The following CEP83 variants were observed in gnomAD, a reference collection of about 807,000 sequenced individuals.
CEP83 encodes centrosomal protein of 83 kDa.
Under a neutral mutation model 101.9 loss-of-function variants are expected in CEP83, and 70 were observed. The observed-to-expected ratio is 0.69, with a 90% confidence interval of 0.57 to 0.84. CEP83 has a LOEUF of 0.84. Ranked by LOEUF, CEP83 falls within the 40% of genes least tolerant of loss-of-function variation. CEP83 has a pLI of 0.00. For missense variants in CEP83, 715 were observed against 787.2 expected, an observed-to-expected ratio of 0.91 and a Z score of 1.10; for synonymous variants, 264 against 267.9, an observed-to-expected ratio of 0.99 and a Z score of 0.14.
At position 94,389,357 on chromosome 12, in the gene CEP83, T is replaced by C. The variant is rs1336847197; in HGVS notation, c.550-10315A>G. On this transcript the variant is annotated intron_variant, in intron 6 of 16. Coordinates refer to ENST00000397809, the MANE Select transcript of CEP83 (RefSeq NM_016122.3). ...GATAATAACTGTGAGGTATGAATGA[T>C]ACTAATACCATTAATTAAGTATCTA... 2.6e-5 allele frequency among the ~76,000 whole-genome samples: 4 copies of C among 152,330 alleles called. No homozygotes were observed. The East Asian group carries it at 7.7e-4, about 29-fold the overall frequency.
At chr12:94,442,377 G>C (rs561896922) in intron 1 of CEP83, among the ~76,000 whole-genome samples, 2 of 151,916 alleles carry the variant, frequency 1.3e-5, no homozygotes, top group Admixed American at 1.3e-4. Context: ...GAAGGAGGGA[G>C]GGGGGTGAGG....
intron 11 of CEP83, chr12:94,361,491 A>G (rs904738297): frequency 3.3e-5 from 5 of 152,194 alleles, no homozygotes; most frequent in African/African-American, 1.2e-4. Context: ...TACCCACTGC[A>G]ATCCAGCCTG....
At chr12:94,314,321 C>T (rs889383072) in intron 14 of CEP83, among the ~76,000 whole-genome samples, 3 of 152,168 alleles carry the variant, frequency 2.0e-5, no homozygotes, top group Admixed American at 2.0e-4. Flanking sequence ...CCTTGTAGGT[C>T]AAGAGCACTG....
intron 16 of CEP83, 22 bp from the exon 17 acceptor site, chr12:94,308,939 C>T: frequency 1.3e-6 from 2 of 1,538,366 alleles, no homozygotes; most frequent in Non-Finnish European, 1.8e-6. Context: ...GTAGAGAAAG[C>T]ATAGCAAAAG....
Position 94,335,743 on chromosome 12 carries a change from T to C in CEP83, c.1344-79A>G, listed in dbSNP as rs570285781. On this transcript the variant is annotated intron_variant, in intron 11 of 16. Transcript: ENST00000397809. ...TTCACTGAATTAAAGAGTCATTTTATTGAATGCCTGTTTGACACCAGAGCA... is the reference window on the plus strand; with the variant it reads ...TTCACTGAATTAAAGAGTCATTTTACTGAATGCCTGTTTGACACCAGAGCA... 5.8e-5 allele frequency: 53 copies of C among 911,756 alleles called. No individual in the cohort carries two copies. The African/African-American group carries it at 7.9e-4, about 14-fold the overall frequency. 56.5% of individuals were successfully genotyped at this position (911,756 alleles called of 1,614,324 possible).
intron 14 of CEP83, among the ~76,000 whole-genome samples, chr12:94,318,060 A>G (rs572335644): frequency 1.3e-5 from 2 of 152,084 alleles, no homozygotes; most frequent in South Asian, 2.1e-4. Context: ...ATGAGCATGG[A>G]AAGTTTTGCC....
At chr12:94,405,200 T>C (rs1439853330) in intron 4 of CEP83, among the ~76,000 whole-genome samples, 1 of 152,220 alleles carries the variant, frequency 6.6e-6, no homozygotes, top group Admixed American at 6.5e-5. Context: ...CTGTTTCAAA[T>C]GATCTAACTT....
At chr12:94,447,101 G>A (rs1467052183) in intron 1 of CEP83, among the ~76,000 whole-genome samples, 1 of 152,174 alleles carries the variant, frequency 6.6e-6, no homozygotes, top group Non-Finnish European at 1.5e-5. Context: ...CAAAAATGAA[G>A]ATGAAATAAA....
intron 14 of CEP83, among the ~76,000 whole-genome samples, chr12:94,313,475 C>T (rs2136300327): frequency 7.3e-6 from 1 of 136,920 alleles, no homozygotes; most frequent in South Asian, 2.4e-4. Context: ...TTCAAGGCTA[C>T]AGTTAGCTAT....
rs2061222214 is a variant in CEP83 at position 94,369,998 on chromosome 12, T to C, written c.972A>G (p.Thr324=). 1 of 1,610,312 alleles carries C rather than the reference T, an allele frequency of 6.2e-7. No homozygotes were observed. Among genetic ancestry groups the C allele is most frequent in the East Asian group, 2.2e-5 (1 of 44,774 alleles). ...CTCTTGCTGTCTCCAGTTTGATGTC[T>C]GTTATTTCCAGTTTGTTTGAATGTT... ...ELKHSNKLEI[T]DIKLETARAK... The change falls in exon 9 of 17, where the codon ACA becomes ACG. Residue 324 remains threonine (T), a synonymous_variant. Coordinates refer to ENST00000397809, the MANE Select transcript of CEP83 (RefSeq NM_016122.3).
At chr12:94,429,187 G>A (rs1487617551) in intron 2 of CEP83, among the ~76,000 whole-genome samples, 2 of 152,182 alleles carry the variant, frequency 1.3e-5, no homozygotes, top group African/African-American at 4.8e-5. Flanking sequence ...GAAAGAGAGA[G>A]AAGTGAGGCA....
chr12:94,304,090 A>C, downstream of CEP83: 1 of 1,237,128 alleles, frequency 8.1e-7, no homozygotes, highest in Non-Finnish European at 1.2e-6. Flanking sequence ...CCTTTGAATC[A>C]GGCACAAGGA....
At chr12:94,417,797 T>C (rs893773534) in intron 2 of CEP83, among the ~76,000 whole-genome samples, 4 of 139,704 alleles carry the variant, frequency 2.9e-5, no homozygotes, top group African/African-American at 9.9e-5. Context: ...CAAAAATACA[T>C]ACATACATAC....
the CEP83 span, among the ~76,000 whole-genome samples, chr12:94,287,810 A>G: frequency 5.9e-5 from 9 of 152,226 alleles, no homozygotes; most frequent in Non-Finnish European, 1.5e-5. Flanking sequence ...ATGTCTTTAG[A>G]TATTCATTTA....
chr12:94,329,424 GCA>G (rs1406479475), intron 14 of CEP83, among the ~76,000 whole-genome samples: 1 of 151,994 alleles, frequency 6.6e-6, no homozygotes, highest in Non-Finnish European at 1.5e-5. Context: ...GTGCCACCAT[GCA>G]CAGTTTTTTC....
intron 6 of CEP83, among the ~76,000 whole-genome samples, chr12:94,391,241 C>T (rs1293797370): frequency 6.6e-6 from 1 of 152,144 alleles, no homozygotes; most frequent in Non-Finnish European, 1.5e-5. Context: ...GGTTGAGTTA[C>T]CCACAAAGGG....
the CEP83 span, among the ~76,000 whole-genome samples, chr12:94,285,936 G>A: frequency 1.3e-5 from 2 of 152,140 alleles, no homozygotes; most frequent in Admixed American, 6.5e-5. Context: ...GGGGTGGGCC[G>A]CAGAGGCAGG....
chr12:94,313,829 C>CT (rs1314467688), intron 14 of CEP83, among the ~76,000 whole-genome samples: 1 of 152,060 alleles, frequency 6.6e-6, no homozygotes, highest in Non-Finnish European at 1.5e-5. Flanking sequence ...AAGCAAGACT[C>CT]TGTCTCAAAA....
At chr12:94,330,031 G>C (rs553452032) in intron 14 of CEP83, among the ~76,000 whole-genome samples, 9 of 152,244 alleles carry the variant, frequency 5.9e-5, no homozygotes, top group Admixed American at 1.3e-4. Flanking sequence ...ACATAAAAAG[G>C]GGTCTAGGAA....
Sources: allele counts gnomAD v4.1 joint callset (sites outside exome capture counted in the v4.1 genomes callset), GRCh38; gene constraint gnomAD v4.1.1; transcripts MANE v1.5; gene names NCBI Gene and HGNC (gene_info 2026-07-23, HGNC 2026-07-21).